Variants in MARCHF8 observed in about 807,000 individuals in gnomAD.
MARCHF8 encodes the protein membrane associated ring-CH-type finger 8.
In MARCHF8, 40 loss-of-function variants were observed where a neutral mutation model predicts 51.6. The observed-to-expected ratio is 0.77, with a 90% CI of 0.60 to 1.01. MARCHF8 has a LOEUF of 1.01. Ranked by LOEUF, MARCHF8 falls within the 50% of genes least tolerant of loss-of-function variation. The pLI is 0.00. For missense variants in MARCHF8, 685 were observed against 708.6 expected (o/e 0.97, Z 0.38); for synonymous variants, 263 against 280.3 (o/e 0.94, Z 0.62).
At chr10:45,523,033 A>G (rs776142974) in intron 2 of MARCHF8, among the ~76,000 whole-genome samples, 1 of 152,198 alleles carries the variant, frequency 6.6e-6, no homozygotes, top group Non-Finnish European at 1.5e-5. Context: ...TGTGCAGTCT[A>G]TATTCATGTG....
At chr10:45,562,805 C>A (rs1216090421) in intron 1 of MARCHF8, among the ~76,000 whole-genome samples, 1 of 152,006 alleles carries the variant, frequency 6.6e-6, no homozygotes, top group Admixed American at 6.5e-5. Context: ...TAATTAGCAA[C>A]AGGATTTAAA....
chr10:45,514,755 T>C (rs1400052106), intron 2 of MARCHF8, among the ~76,000 whole-genome samples: 1 of 152,226 alleles, frequency 6.6e-6, no homozygotes, highest in East Asian at 1.9e-4. Flanking sequence ...CTGTTTGCTC[T>C]TCCTGTGTGC....
At chr10:45,592,637 G>T (rs2044693976) in intron 1 of MARCHF8, among the ~76,000 whole-genome samples, 1 of 152,160 alleles carries the variant, frequency 6.6e-6, no homozygotes, top group African/African-American at 2.4e-5. Context: ...AAGGGAAAAA[G>T]AAACAAACCA....
chr10:45,499,909 A>G (rs896881505), intron 2 of MARCHF8, among the ~76,000 whole-genome samples: 1 of 152,168 alleles, frequency 6.6e-6, no homozygotes, highest in Non-Finnish European at 1.5e-5. Context: ...TGTTCTGGCT[A>G]TTCAGGATCC....
chr10:45,583,901 G>C (rs1305170551), intron 1 of MARCHF8, among the ~76,000 whole-genome samples: 1 of 150,822 alleles, frequency 6.6e-6, no homozygotes, highest in East Asian at 1.9e-4. Context: ...AGCTACTCCG[G>C]AGGCTGAGGC....
intron 2 of MARCHF8, among the ~76,000 whole-genome samples, chr10:45,500,538 CAATGACTAT>C (rs1003093270): frequency 2.0e-4 from 31 of 152,078 alleles, no homozygotes; most frequent in African/African-American, 6.5e-4. Flanking sequence ...AGACTTTCGC[CAATGACTAT>C]AATGTCAGCT....
intron 1 of MARCHF8, among the ~76,000 whole-genome samples, chr10:45,580,690 A>G (rs1385636666): frequency 6.6e-6 from 1 of 152,218 alleles, no homozygotes; most frequent in Non-Finnish European, 1.5e-5. Flanking sequence ...AAATAAAAAC[A>G]TTAAGGAGGA....
At position 45,459,188 on chromosome 10, in the gene MARCHF8, CAT is replaced by C. The variant is rs1258493081; in HGVS notation, c.1347_1348del (p.Val451GlyfsTer9). 6.8e-6 allele frequency: 11 copies of C among 1,614,122 alleles called. No homozygotes were observed. Among genetic ancestry groups the C allele is most frequent in the Non-Finnish European group, 9.3e-6 (11 of 1,180,032 alleles). Reference sequence around the variant, plus strand: ...GAGCACATACAAGGACCAGACCACACATGTGATGGCAATGACGTGGAATGTCA... The same window carrying C: ...GAGCACATACAAGGACCAGACCACACGTGATGGCAATGACGTGGAATGTCA... On this transcript the variant is annotated frameshift_variant, in exon 7 of 8. Coordinates refer to ENST00000453424, the MANE Select transcript of MARCHF8 (RefSeq NM_001282866.2). LOFTEE classifies it high-confidence loss of function.
chr10:45,557,011 T>C (rs745906228), intron 1 of MARCHF8, among the ~76,000 whole-genome samples: 3 of 152,044 alleles, frequency 2.0e-5, no homozygotes, highest in African/African-American at 4.8e-5. Context: ...GTGTACAGCA[T>C]TCAACAGTGT....
chr10:45,474,723 G>A (rs919023128), intron 3 of MARCHF8, among the ~76,000 whole-genome samples: 3 of 152,170 alleles, frequency 2.0e-5, no homozygotes, highest in Admixed American at 1.3e-4. Context: ...CAGAGAACAC[G>A]AATTCAACAG....
intron 1 of MARCHF8, among the ~76,000 whole-genome samples, chr10:45,542,868 T>C (rs1194546806): frequency 6.6e-6 from 1 of 152,166 alleles, no homozygotes; most frequent in Non-Finnish European, 1.5e-5. Context: ...TTATTTAAGA[T>C]AATAAATAAA....
chr10:45,585,312 T>C (rs1318603299), intron 1 of MARCHF8, among the ~76,000 whole-genome samples: 2 of 151,872 alleles, frequency 1.3e-5, no homozygotes, highest in Non-Finnish European at 2.9e-5. Context: ...CTGCTCATGA[T>C]AGAAAAAAAA....
intron 1 of MARCHF8, among the ~76,000 whole-genome samples, chr10:45,579,630 T>C (rs1422970604): frequency 6.6e-6 from 1 of 152,186 alleles, no homozygotes; most frequent in African/African-American, 2.4e-5. Flanking sequence ...AAGGATGTCC[T>C]AAAATGGCCA....
chr10:45,516,181 C>A (rs754547119), intron 2 of MARCHF8, among the ~76,000 whole-genome samples: 1 of 152,178 alleles, frequency 6.6e-6, no homozygotes, highest in Non-Finnish European at 1.5e-5. Context: ...TTTTGCCCTG[C>A]GTTCTGCTAA....
intron 1 of MARCHF8, among the ~76,000 whole-genome samples, chr10:45,575,125 G>A (rs999940627): frequency 5.3e-5 from 8 of 152,098 alleles, no homozygotes; most frequent in Admixed American, 4.6e-4. Flanking sequence ...TCAGGACAAC[G>A]CTTATGCTGA....
chr10:45,529,729 A>G (rs2043847125), intron 2 of MARCHF8, among the ~76,000 whole-genome samples: 1 of 152,268 alleles, frequency 6.6e-6, no homozygotes, highest in Non-Finnish European at 1.5e-5. Context: ...AATAAAAGCG[A>G]TGAAATACCA....
At chr10:45,520,377 A>G (rs975066839) in intron 2 of MARCHF8, among the ~76,000 whole-genome samples, 1 of 152,262 alleles carries the variant, frequency 6.6e-6, no homozygotes, top group Non-Finnish European at 1.5e-5. Context: ...AAGCATTTAA[A>G]CCATCTGTGA....
chr10:45,542,859 T>A (rs980312858), intron 1 of MARCHF8, among the ~76,000 whole-genome samples: 7 of 152,190 alleles, frequency 4.6e-5, no homozygotes, highest in Non-Finnish European at 8.8e-5. Flanking sequence ...CCTGGATCAT[T>A]ATTTAAGATA....
intron 1 of MARCHF8, among the ~76,000 whole-genome samples, chr10:45,544,721 C>T (rs1351243394): frequency 1.3e-5 from 2 of 152,050 alleles, no homozygotes; most frequent in African/African-American, 4.8e-5. Context: ...TGCAAATGGG[C>T]AAGAGGGAAC....
Sources: gnomAD v4.1 joint callset for allele counts (sites outside exome capture counted in the v4.1 genomes callset) on GRCh38, gnomAD v4.1.1 for gene constraint, MANE v1.5 for transcripts, NCBI Gene and HGNC (gene_info 2026-07-23, HGNC 2026-07-21) for gene names.